The following PCDH9 variants were observed in gnomAD, a reference collection of about 807,000 sequenced individuals.
The protein encoded by PCDH9 is protocadherin-9.
Under a neutral mutation model 70.6 loss-of-function variants are expected in PCDH9, and 24 were observed. The ratio of observed to expected loss-of-function variants is 0.34; its 90% CI spans 0.25 to 0.48. The LOEUF (loss-of-function observed/expected upper bound fraction) is 0.48, where lower values mean the gene tolerates loss of function less well. Among genes scored for constraint, PCDH9 ranks in the 20% least tolerant of loss-of-function variants. PCDH9 has a pLI of 0.99. For synonymous variants in PCDH9, 562 were observed against 558.5 expected (o/e 1.01, Z -0.09); for missense variants, 1,281 against 1,503.6 (o/e 0.85, Z 2.45).
At chr13:66,912,992 G>A (rs1408955015) in intron 2 of PCDH9, among the ~76,000 whole-genome samples, 1 of 152,084 alleles carries the variant, frequency 6.6e-6, no homozygotes, top group East Asian at 1.9e-4. Flanking sequence ...TTGGCTATGT[G>A]CATGCCAGTC....
chr13:66,612,055 C>G lies in PCDH9; in HGVS notation c.3340+19155G>C, dbSNP rs369364000. Among the ~76,000 whole-genome samples the G allele has an allele frequency of 1.2e-4, 18 of 152,306 alleles. No homozygotes were observed. In the South Asian group the frequency reaches 3.5e-3, roughly 30 times the overall value. ...GGATATATTTGCTGGGATATTTAAACTAAGTTTTAGAAACAAATTTAGTCT... is the reference window on the plus strand; with the variant it reads ...GGATATATTTGCTGGGATATTTAAAGTAAGTTTTAGAAACAAATTTAGTCT... On this transcript the variant is annotated intron_variant, in intron 4 of 4. Transcript: ENST00000377865.
At chr13:66,553,720 A>C (rs577412896) in intron 4 of PCDH9, among the ~76,000 whole-genome samples, 14 of 152,350 alleles carry the variant, frequency 9.2e-5, no homozygotes, top group Non-Finnish European at 1.5e-4. Flanking sequence ...CCTCTTGTAT[A>C]TAATACATGC....
At chr13:66,978,438 T>C (rs565293687) in intron 2 of PCDH9, 1 of 152,134 alleles carries the variant, frequency 6.6e-6, no homozygotes, top group South Asian at 2.1e-4. Context: ...ATAGATACTA[T>C]TCCTTAGTAT....
At chr13:66,658,958 C>T (rs995427662) in intron 3 of PCDH9, among the ~76,000 whole-genome samples, 6 of 152,034 alleles carry the variant, frequency 3.9e-5, no homozygotes, top group Non-Finnish European at 7.4e-5. Context: ...GACTTCAAGA[C>T]ATATAAAAAC....
At chr13:66,826,324 G>A (rs561392331) in intron 3 of PCDH9, among the ~76,000 whole-genome samples, 9 of 152,120 alleles carry the variant, frequency 5.9e-5, no homozygotes, top group African/African-American at 2.2e-4. Context: ...TTTGGTTTTG[G>A]TTCTTTCTTC....
At chr13:66,636,098 T>C (rs900820651) in intron 3 of PCDH9, among the ~76,000 whole-genome samples, 27 of 152,158 alleles carry the variant, frequency 1.8e-4, no homozygotes, top group Non-Finnish European at 2.9e-5. Flanking sequence ...TGAATCTGCA[T>C]AAGCTAATTT....
intron 2 of PCDH9, among the ~76,000 whole-genome samples, chr13:67,019,424 TG>T (rs1160936802): frequency 6.6e-6 from 1 of 151,926 alleles, no homozygotes; most frequent in African/African-American, 2.4e-5. Context: ...CTCGATCTCC[TG>T]ACCTCATGAT....
intron 3 of PCDH9, among the ~76,000 whole-genome samples, chr13:66,715,739 C>T (rs968735210): frequency 2.0e-5 from 3 of 152,124 alleles, no homozygotes; most frequent in African/African-American, 4.8e-5. Context: ...AAATAACGCA[C>T]AGACAAATAA....
At chr13:67,125,322 G>T (rs1798646804) in intron 2 of PCDH9, among the ~76,000 whole-genome samples, 1 of 152,116 alleles carries the variant, frequency 6.6e-6, no homozygotes, top group African/African-American at 2.4e-5. Flanking sequence ...ACTGTTGCCA[G>T]CGAAAACATA....
intron 2 of PCDH9, chr13:67,204,623 G>A (rs1021174158): frequency 6.6e-6 from 1 of 152,142 alleles, no homozygotes; most frequent in Non-Finnish European, 1.5e-5. Context: ...ATGTCCATTT[G>A]GATCCAGTCT....
At chr13:67,126,455 A>G (rs1377210453) in intron 2 of PCDH9, among the ~76,000 whole-genome samples, 1 of 152,196 alleles carries the variant, frequency 6.6e-6, no homozygotes, top group African/African-American at 2.4e-5. Flanking sequence ...AACACATTAT[A>G]TATTGACTAA....
At chr13:67,124,194 T>C (rs2086931604) in intron 2 of PCDH9, among the ~76,000 whole-genome samples, 1 of 152,184 alleles carries the variant, frequency 6.6e-6, no homozygotes, top group Non-Finnish European at 1.5e-5. Flanking sequence ...GCTATACTGC[T>C]ATCAACTGGG....
chr13:66,918,104 T>C (rs1436352279), intron 2 of PCDH9, among the ~76,000 whole-genome samples: 1 of 151,196 alleles, frequency 6.6e-6, no homozygotes, highest in Non-Finnish European at 1.5e-5. Context: ...GAGATGGAAA[T>C]TGAGGGGCTA....
chr13:66,882,074 C>T (rs139229264), intron 3 of PCDH9, among the ~76,000 whole-genome samples: 160 of 152,172 alleles, frequency 1.1e-3, no homozygotes, highest in African/African-American at 3.6e-3. Flanking sequence ...AGAGCCAAGC[C>T]GCTAAATTAA....
At chr13:66,990,638 C>CATAAAT (rs2083983829) in intron 2 of PCDH9, among the ~76,000 whole-genome samples, 1 of 149,740 alleles carries the variant, frequency 6.7e-6, no homozygotes, top group Admixed American at 6.7e-5. Context: ...AACATGTATA[C>CATAAAT]ATAAATATAC....
intron 4 of PCDH9, among the ~76,000 whole-genome samples, chr13:66,587,805 A>G (rs1950558069): frequency 6.6e-6 from 1 of 152,084 alleles, no homozygotes; most frequent in Non-Finnish European, 1.5e-5. Flanking sequence ...AAAAAAAAAA[A>G]AAGAAAGTTT....
chr13:66,724,186 C>T (rs1198886992), intron 3 of PCDH9, among the ~76,000 whole-genome samples: 3 of 152,156 alleles, frequency 2.0e-5, no homozygotes, highest in Non-Finnish European at 4.4e-5. Context: ...CAATCTAATA[C>T]TGAATGTCTG....
At chr13:67,206,080 A>G (rs2089335350) in intron 2 of PCDH9, 1 of 152,082 alleles carries the variant, frequency 6.6e-6, no homozygotes, top group South Asian at 2.1e-4. Flanking sequence ...AACTCAAGTG[A>G]TCCATCCGCC....
intron 4 of PCDH9, among the ~76,000 whole-genome samples, chr13:66,374,895 A>G (rs1038783512): frequency 6.6e-6 from 1 of 152,132 alleles, no homozygotes; most frequent in Non-Finnish European, 1.5e-5. Flanking sequence ...ATAGTAGATC[A>G]TCACAGCTAA....
Sources: allele counts gnomAD v4.1 joint callset (sites outside exome capture counted in the v4.1 genomes callset), GRCh38; gene constraint gnomAD v4.1.1; transcripts MANE v1.5; gene names NCBI Gene and HGNC (gene_info 2026-07-23, HGNC 2026-07-21).